Variants in ZCWPW2 observed in about 807,000 individuals in gnomAD.
ZCWPW2 encodes the protein zinc finger CW-type PWWP domain protein 2.
In ZCWPW2, 45 loss-of-function variants were observed where a neutral mutation model predicts 46.6. The observed-to-expected ratio is 0.96, with a 90% CI of 0.76 to 1.24. The LOEUF (loss-of-function observed/expected upper bound fraction) is 1.24, where lower values mean the gene tolerates loss of function less well. ZCWPW2 is among the 50% of genes most tolerant of loss of function. ZCWPW2 has a pLI of 0.00. For missense variants in ZCWPW2, 429 were observed against 403.9 expected, an observed-to-expected ratio of 1.06 and a Z score of -0.53; for synonymous variants, 152 against 137.1, an observed-to-expected ratio of 1.11 and a Z score of -0.76.
intron 1 of ZCWPW2, among the ~76,000 whole-genome samples, chr3:28,387,905 TC>T (rs1559483444): frequency 6.6e-6 from 1 of 152,152 alleles, no homozygotes; most frequent in Non-Finnish European, 1.5e-5. Context: ...TCACTTACCT[TC>T]TTCATTAGTC....
At chr3:28,440,432 C>T (rs1697704196) in intron 4 of ZCWPW2, among the ~76,000 whole-genome samples, 1 of 152,128 alleles carries the variant, frequency 6.6e-6, no homozygotes, top group South Asian at 2.1e-4. Flanking sequence ...TGAGTGATGC[C>T]ACTTCCATTT....
At chr3:28,381,002 A>ATATATATATATATATATTTGG (rs1695060172) in intron 1 of ZCWPW2, among the ~76,000 whole-genome samples, 5 of 16,392 alleles carry the variant, frequency 3.1e-4, no homozygotes, top group South Asian at 5.5e-3. Context: ...TATATTTGGT[A>ATATATATATATATATATTTGG]TATATATATA....
At chr3:28,467,801 T>A (rs1698883026) in intron 4 of ZCWPW2, among the ~76,000 whole-genome samples, 1 of 152,160 alleles carries the variant, frequency 6.6e-6, no homozygotes. Context: ...ACAGCTTAGA[T>A]CACAACACTC....
chr3:28,414,148 C>A (rs1398465302), intron 3 of ZCWPW2, among the ~76,000 whole-genome samples: 3 of 151,766 alleles, frequency 2.0e-5, no homozygotes, highest in Admixed American at 2.0e-4. Context: ...CTTATGGTGG[C>A]TATTTGTCTA....
chr3:28,373,520 G>C (rs1705408313), intron 1 of ZCWPW2, among the ~76,000 whole-genome samples: 2 of 151,916 alleles, frequency 1.3e-5, no homozygotes, highest in Middle Eastern at 6.8e-3. Flanking sequence ...CAGGCTGAAG[G>C]GCAGTGGTGA....
At chr3:28,505,776 C>A (rs1700260342) in intron 6 of ZCWPW2, among the ~76,000 whole-genome samples, 1 of 152,030 alleles carries the variant, frequency 6.6e-6, no homozygotes, top group Non-Finnish European at 1.5e-5. Context: ...TATTGACTGA[C>A]AATTACTCTC....
In ZCWPW2 at chr3:28,440,654, T is replaced by A. The variant is rs148320360; in HGVS notation, c.492+5385T>A. Reference sequence around the variant, plus strand: ...TTTTAGGATGATGGGGAACATGGTATGACCAGTGAATTTTATAAGCATGAG... The same window carrying A: ...TTTTAGGATGATGGGGAACATGGTAAGACCAGTGAATTTTATAAGCATGAG... On this transcript the variant is annotated intron_variant, in intron 4 of 9. Coordinates refer to ENST00000383768, the MANE Select transcript of ZCWPW2 (RefSeq NM_001040432.4). Among the ~76,000 whole-genome samples, 387 of 152,326 alleles carry A rather than the reference T, an allele frequency of 2.5e-3. 1 individual carries two copies. Among genetic ancestry groups the A allele is most frequent in the African/African-American group, 8.4e-3 (351 of 41,576 alleles).
intron 1 of ZCWPW2, among the ~76,000 whole-genome samples, chr3:28,382,296 G>C (rs1319087883): frequency 6.6e-6 from 1 of 152,056 alleles, no homozygotes; most frequent in African/African-American, 2.4e-5. Flanking sequence ...ATCTGTTTCA[G>C]ACCTCTCTTT....
At chr3:28,395,387 C>G (rs770004035) in intron 2 of ZCWPW2, among the ~76,000 whole-genome samples, 1 of 152,066 alleles carries the variant, frequency 6.6e-6, no homozygotes, top group Non-Finnish European at 1.5e-5. Context: ...ACCATGTATT[C>G]CAGCAATCTT....
chr3:28,404,231 C>A (rs1696064394), intron 2 of ZCWPW2, among the ~76,000 whole-genome samples: 1 of 150,570 alleles, frequency 6.6e-6, no homozygotes, highest in South Asian at 2.1e-4. Context: ...CATGAATACA[C>A]AATTCTCAAA....
chr3:28,435,255 A>G lies in ZCWPW2; in HGVS notation c.478A>G (p.Ser160Gly). ...AAAGGCAACATTCGTTGGACATTAT[A>G]GTATCACATTAAAGGTAGGTATCAT... ...WIKATFVGHY[S>G]ITLKPEKCKN... Residue 160 changes from serine (S) to glycine (G), a missense_variant, in exon 4 of 10, where the codon AGT becomes GGT. By Grantham distance (56) the Ser-to-Gly change is moderately conservative (BLOSUM62 0). Coordinates refer to ENST00000383768, the MANE Select transcript of ZCWPW2 (RefSeq NM_001040432.4). 4 of 1,610,170 alleles carry G rather than the reference A, an allele frequency of 2.5e-6. No individual in the cohort carries two copies. The highest frequency in any genetic ancestry group is 2.5e-6 in the Non-Finnish European group (3 of 1,179,226).
rs71087699 is a variant in ZCWPW2 at position 28,474,586 on chromosome 3, CGTGTGT to C, written c.493-4198_493-4193del. Among the ~76,000 whole-genome samples, 974 of 136,186 alleles carry C rather than the reference CGTGTGT, an allele frequency of 7.2e-3. 2 individuals are homozygous for C. Among genetic ancestry groups the C allele is most frequent in the East Asian group, 0.028 (127 of 4,522 alleles). The allele number at this position is 136,186 out of a possible 152,430, so 89.3% of individuals were successfully genotyped here. A position where few individuals can be genotyped will look rare whatever the true frequency, so the allele number is the denominator to read the frequency against. On this transcript the variant is annotated intron_variant, in intron 4 of 9. Coordinates refer to ENST00000383768, the MANE Select transcript of ZCWPW2 (RefSeq NM_001040432.4). ...CCATATTTCTTGCCTTTAAATACAG[CGTGTGT>C]GTGTGTGTGTGTGTGTGTGTGTGTG... is the stretch of plus-strand genomic sequence containing the variant.
intron 4 of ZCWPW2, among the ~76,000 whole-genome samples, chr3:28,435,495 T>C (rs2125763930): frequency 6.7e-6 from 1 of 149,034 alleles, no homozygotes; most frequent in East Asian, 1.9e-4. Context: ...CTTTTTTTTT[T>C]TTTTTTTGGA....
chr3:28,517,278 A>C (rs756326434), intron 8 of ZCWPW2, among the ~76,000 whole-genome samples: 12 of 152,228 alleles, frequency 7.9e-5, no homozygotes, highest in Non-Finnish European at 1.8e-4. Context: ...TTGCATTGCT[A>C]TAAAGAAATA....
intron 4 of ZCWPW2, among the ~76,000 whole-genome samples, chr3:28,456,862 CT>C (rs1336713922): frequency 2.6e-5 from 4 of 152,056 alleles, no homozygotes; most frequent in African/African-American, 9.7e-5. Context: ...GTGCTGCTGG[CT>C]TTGGTTTGCC....
Position 28,407,328 on chromosome 3 carries a change from G to A in ZCWPW2, c.-13-5728G>A, listed in dbSNP as rs113955705. Reference sequence around the variant, plus strand: ...TATTACATTTATCAAGTATTTTATGGAACTTGGTATCTATGTTGTTCTGAG... The same window carrying A: ...TATTACATTTATCAAGTATTTTATGAAACTTGGTATCTATGTTGTTCTGAG... On this transcript the variant is annotated intron_variant, in intron 2 of 9. Coordinates refer to ENST00000383768, the MANE Select transcript of ZCWPW2 (RefSeq NM_001040432.4). 7.8e-3 allele frequency among the ~76,000 whole-genome samples: 1,194 copies of A among 152,180 alleles called. 10 individuals are homozygous for A. The highest frequency in any genetic ancestry group is 0.037 in the Middle Eastern group (11 of 294).
chr3:28,352,769 C>T (rs1704605637), intron 1 of ZCWPW2, among the ~76,000 whole-genome samples: 1 of 152,038 alleles, frequency 6.6e-6, no homozygotes, highest in Non-Finnish European at 1.5e-5. Flanking sequence ...ATAGAATTAA[C>T]CTGAATTCTG....
intron 1 of ZCWPW2, among the ~76,000 whole-genome samples, chr3:28,359,347 A>T (rs1164464700): frequency 6.6e-6 from 1 of 152,124 alleles, no homozygotes; most frequent in African/African-American, 2.4e-5. Flanking sequence ...TTTCTTATGA[A>T]GGTACAAAAC....
intron 1 of ZCWPW2, among the ~76,000 whole-genome samples, chr3:28,375,713 A>G (rs940573221): frequency 2.0e-5 from 3 of 150,624 alleles, no homozygotes; most frequent in Non-Finnish European, 3.0e-5. Context: ...TGTGCTGTCA[A>G]ATAGTAGGTC....
Sources: gnomAD v4.1 joint callset for allele counts (sites outside exome capture counted in the v4.1 genomes callset) on GRCh38, gnomAD v4.1.1 for gene constraint, MANE v1.5 for transcripts, NCBI Gene and HGNC (gene_info 2026-07-23, HGNC 2026-07-21) for gene names.